The following PPL variants were observed in gnomAD, a reference collection of about 807,000 sequenced individuals.
PPL encodes 190 kDa paraneoplastic pemphigus antigen.
Under a neutral mutation model 194.4 loss-of-function variants are expected in PPL, and 198 were observed. That is an observed-to-expected ratio of 1.02 (90% CI 0.91 to 1.15). The LOEUF is 1.15. Among genes scored for constraint, PPL ranks in the 50% most tolerant of loss-of-function variants. The pLI is 0.00. For synonymous variants in PPL, 1,220 were observed against 972.4 expected, an observed-to-expected ratio of 1.25 and a Z score of -4.74; for missense variants, 2,885 against 2,294.8, an observed-to-expected ratio of 1.26 and a Z score of -5.25.
At position 4,888,167 on chromosome 16, in the gene PPL, C is replaced by A; in HGVS notation, c.2449G>T (p.Gly817Ter). The A allele has an allele frequency of 6.2e-7, 1 of 1,613,936 alleles. No individual in the cohort carries two copies. Among genetic ancestry groups the A allele is most frequent in the African/African-American group, 1.3e-5 (1 of 75,066 alleles). ...CTCTTGCTCACGTGGCTTCTCCTTCCATTCTCCAAGTCGAGAAGAGACCTT... is the reference window on the plus strand; with the variant it reads ...CTCTTGCTCACGTGGCTTCTCCTTCAATTCTCCAAGTCGAGAAGAGACCTT... ...KLRSLLDLEN[G>*]RRSHVSKRAR... The change falls in exon 20 of 22, where the codon GGA becomes TGA. Residue 817 changes from glycine (G) to a stop codon, truncating the protein, a stop_gained. Coordinates refer to ENST00000345988, the MANE Select transcript of PPL (RefSeq NM_002705.5). LOFTEE classifies it high-confidence loss of function.
At chr16:4,924,205 A>AT (rs1317072585) in intron 1 of PPL, among the ~76,000 whole-genome samples, 1 of 152,136 alleles carries the variant, frequency 6.6e-6, no homozygotes, top group Non-Finnish European at 1.5e-5. Context: ...AAATGAGCGA[A>AT]TTTTTTTCTA....
intron 2 of PPL, among the ~76,000 whole-genome samples, chr16:4,910,045 C>T (rs183533218): frequency 7.9e-5 from 12 of 152,144 alleles, no homozygotes; most frequent in African/African-American, 1.2e-4. Flanking sequence ...TCAACCCAAT[C>T]GCACCGGGCT....
chr16:4,883,596 T>G lies in PPL; in HGVS notation c.5059A>C (p.Lys1687Gln). 6.2e-7 allele frequency: 1 copy of G among 1,614,170 alleles called. No homozygotes were observed. The highest frequency in any genetic ancestry group is 8.5e-7 in the Non-Finnish European group (1 of 1,180,018). ...CAGTCGCACTCCTGGCTTCTGAGTT[T>G]CACGAACATGTTCCAGTCAATGAGC... ...AGLIDWNMFV[K>Q]LRSQECDWEE... is the part of the protein sequence containing the mutation. Residue 1687 changes from lysine to glutamine, a missense_variant, in exon 22 of 22, where the codon AAA becomes CAA. Transcript: ENST00000345988. This position sits in a 1 kb window ranked among gnomAD's most constrained non-coding sequence, Gnocchi z 4.8.
intron 1 of PPL, among the ~76,000 whole-genome samples, chr16:4,917,003 G>C (rs140266109): frequency 1.3e-5 from 2 of 152,092 alleles, no homozygotes; most frequent in Non-Finnish European, 2.9e-5. Context: ...GTGGTGGTAT[G>C]TGCCTGTAAT....
chr16:4,883,176 C>CA lies in PPL; in HGVS notation c.*207dup, dbSNP rs2088132444. On this transcript the variant is annotated 3_prime_UTR_variant, in exon 22 of 22. Coordinates refer to ENST00000345988, the MANE Select transcript of PPL (RefSeq NM_002705.5). The surrounding 1 kb of genome is among the most constrained non-coding windows in gnomAD (Gnocchi z 4.8). Reference sequence around the variant, plus strand: ...TCATTGGAGGATGAAGTACGTCACTCAGGGTGAATGATGGTTGGGACGAGA... The same window carrying CA: ...TCATTGGAGGATGAAGTACGTCACTCAAGGGTGAATGATGGTTGGGACGAGA... 1 of 618,856 alleles carries CA rather than the reference C, an allele frequency of 1.6e-6. No individual in the cohort carries two copies. Among genetic ancestry groups the CA allele is most frequent in the South Asian group, 2.1e-5 (1 of 48,218 alleles). The allele number at this position is 618,856 out of a possible 1,614,324, so 38.3% of individuals were successfully genotyped here. A position where few individuals can be genotyped will look rare whatever the true frequency, so the allele number is the denominator to read the frequency against.
intron 1 of PPL, among the ~76,000 whole-genome samples, chr16:4,929,525 G>A (rs1019900404): frequency 6.6e-6 from 1 of 152,112 alleles, no homozygotes; most frequent in East Asian, 1.9e-4. Flanking sequence ...AAAAGAATCA[G>A]CCACGCATGT....
rs368589484 is a variant in PPL, at chr16:4,900,885, C to T, written c.565-14G>A. ...GCTGTTCTGCTCCTGAGGACAGAGC[C>T]GAGGGCATGGGTCAGGGCCAGGAAG... is the stretch of plus-strand genomic sequence containing the variant. On this transcript the variant is annotated splice_polypyrimidine_tract_variant and intron_variant, in intron 5 of 21. Coordinates refer to ENST00000345988, the MANE Select transcript of PPL (RefSeq NM_002705.5). The T allele has an allele frequency of 5.3e-5, 85 of 1,613,996 alleles. No individual in the cohort carries two copies. The highest frequency in any genetic ancestry group is 1.7e-4 in the African/African-American group (13 of 74,920).
Position 4,917,986 on chromosome 16 carries a change from C to CAAA in PPL, c.63-7040_63-7038dup, listed in dbSNP as rs199659886. 7.5e-3 allele frequency among the ~76,000 whole-genome samples: 1,002 copies of CAAA among 133,980 alleles called. 6 individuals carry two copies. The highest frequency in any genetic ancestry group is 0.026 in the African/African-American group (948 of 36,600). 87.9% of individuals were successfully genotyped at this position (133,980 alleles called of 152,430 possible). ...GAATTACATCACAGTAAAGCTGCTA[C>CAAA]AAAAAAAAAAAACACAAAAAAGGCA... is the stretch of plus-strand genomic sequence containing the variant. On this transcript the variant is annotated intron_variant, in intron 1 of 21. Transcript: ENST00000345988.
intron 18 of PPL, among the ~76,000 whole-genome samples, chr16:4,889,485 C>G (rs1433588085): frequency 1.3e-5 from 2 of 151,672 alleles, no homozygotes; most frequent in Non-Finnish European, 2.9e-5. Context: ...TCTTGAACTC[C>G]TGAACTTGTG....
chr16:4,890,995 C>A, intron 16 of PPL, 74 bp from the exon 17 acceptor site: 1 of 1,312,070 alleles, frequency 7.6e-7, no homozygotes, highest in Non-Finnish European at 1.0e-6. Context: ...CCCACTGAAG[C>A]CCCTGGGCCA....
chr16:4,893,034 A>T (rs1828870598), intron 14 of PPL, 179 bp downstream of exon 14: 2 of 736,218 alleles, frequency 2.7e-6, no homozygotes, highest in South Asian at 2.6e-5. Context: ...CTGGGGAGGT[A>T]ATGACAGCAG....
At position 4,895,574 on chromosome 16, in the gene PPL, G is replaced by A; in HGVS notation, c.1095+20C>T. ...GTCCCCCGCCCCCCGGGCCAGCAGG[G>A]GTCCTGGGCCATCGCTCACATCCAG... is the stretch of plus-strand genomic sequence containing the variant. On this transcript the variant is annotated intron_variant, in intron 10 of 21. Coordinates refer to ENST00000345988, the MANE Select transcript of PPL (RefSeq NM_002705.5). 1.2e-6 allele frequency: 2 copies of A among 1,613,620 alleles called. No individual in the cohort carries two copies. Among genetic ancestry groups the A allele is most frequent in the Non-Finnish European group, 1.7e-6 (2 of 1,179,992 alleles).
chr16:4,936,982 A>C lies in PPL; in HGVS notation c.62+2T>G. The C allele has an allele frequency of 6.3e-7, 1 of 1,584,698 alleles. No homozygotes were observed. On this transcript the variant is annotated splice_donor_variant, in intron 1 of 21. Coordinates refer to ENST00000345988, the MANE Select transcript of PPL (RefSeq NM_002705.5). LOFTEE classifies it high-confidence loss of function. ...GGAGCGGAGCTGTGGGCGCCTCCTCACCTCCGGGTCTGCACAGTGGGGCTG... is the reference window on the plus strand; with the variant it reads ...GGAGCGGAGCTGTGGGCGCCTCCTCCCCTCCGGGTCTGCACAGTGGGGCTG...
rs536325970 is a variant in PPL at position 4,890,597 on chromosome 16, G to A, written c.2162+131C>T. ...GACTCAAAAGAGAGACCACAGGGCC[G>A]TCAGAGAATCTGACGAACTCACCAA... On this transcript the variant is annotated intron_variant, in intron 17 of 21. Coordinates refer to ENST00000345988, the MANE Select transcript of PPL (RefSeq NM_002705.5). The A allele has an allele frequency of 3.0e-4, 357 of 1,183,272 alleles. 1 individual carries two copies. The East Asian group carries it at 7.5e-3, about 25-fold the overall frequency. The allele number at this position is 1,183,272 out of a possible 1,614,324, so 73.3% of individuals were successfully genotyped here. A position where few individuals can be genotyped will look rare whatever the true frequency, so the allele number is the denominator to read the frequency against.
In PPL at chr16:4,894,512, A is replaced by C; in HGVS notation, c.1349T>G (p.Phe450Cys). The change falls in exon 12 of 22, where the codon TTT (phenylalanine) becomes TGT (cysteine). Residue 450 changes from phenylalanine to cysteine, a missense_variant. Phe to Cys is a radical substitution (Grantham distance 205). Coordinates refer to ENST00000345988, the MANE Select transcript of PPL (RefSeq NM_002705.5). ...GNKLIAPAVC[F>C]VIPPTDPEAL... ...CTCAGGGTCTGTGGGGGGGATCACA[A>C]AACACACGGCCGGAGCAATCAGCTT... is the stretch of plus-strand genomic sequence containing the variant. The C allele has an allele frequency of 6.2e-7, 1 of 1,613,892 alleles. No homozygotes were observed. The highest frequency in any genetic ancestry group is 8.5e-7 in the Non-Finnish European group (1 of 1,179,954).
chr16:4,914,031 A>G (rs1300341549), intron 1 of PPL, among the ~76,000 whole-genome samples: 1 of 152,220 alleles, frequency 6.6e-6, no homozygotes, highest in Non-Finnish European at 1.5e-5. Context: ...GGGTGGGGAC[A>G]GCGGTGGTCA....
chr16:4,900,083 T>A (rs2088528960), intron 6 of PPL, among the ~76,000 whole-genome samples: 1 of 152,140 alleles, frequency 6.6e-6, no homozygotes, highest in Admixed American at 6.6e-5. Flanking sequence ...CCACTAACAC[T>A]AAGGAGCAGA....
chr16:4,901,941 A>AAAT lies in PPL; in HGVS notation c.438+464_438+465insATT, dbSNP rs1568018034. 8.6e-5 allele frequency among the ~76,000 whole-genome samples: 7 copies of AAAT among 81,836 alleles called. No homozygotes were observed. The East Asian group carries it at 5.1e-3, about 59-fold the overall frequency. The allele number at this position is 81,836 out of a possible 152,430, so 53.7% of individuals were successfully genotyped here. A position where few individuals can be genotyped will look rare whatever the true frequency, so the allele number is the denominator to read the frequency against. ...CGCGACAGAGTGAGACCTTGTCTCA[A>AAAT]AAATAAATAAATAAATAAATAAATA... On this transcript the variant is annotated intron_variant, in intron 4 of 21. Coordinates refer to ENST00000345988, the MANE Select transcript of PPL (RefSeq NM_002705.5).
At position 4,890,784 on chromosome 16, in the gene PPL, G is replaced by A. The variant is rs1161278621; in HGVS notation, c.2106C>T (p.Ala702=). The A allele has an allele frequency of 1.4e-5, 23 of 1,607,886 alleles. No homozygotes were observed. Among genetic ancestry groups the A allele is most frequent in the Middle Eastern group, 1.7e-4 (1 of 6,058 alleles). Residue 702 remains alanine, a synonymous_variant, in exon 17 of 22, where the codon GCC becomes GCT. Coordinates refer to ENST00000345988, the MANE Select transcript of PPL (RefSeq NM_002705.5). ...EHCPDLERQE[A]EVHKLGQRFN... ...AACGCTGGCCCAGCTTGTGCACCTCGGCCTCCTGGCGCTCCAGGTCCGGAC... is the reference window on the plus strand; with the variant it reads ...AACGCTGGCCCAGCTTGTGCACCTCAGCCTCCTGGCGCTCCAGGTCCGGAC...
Sources: allele counts gnomAD v4.1 joint callset (sites outside exome capture counted in the v4.1 genomes callset), GRCh38; gene constraint gnomAD v4.1.1; non-coding constraint Gnocchi (gnomAD v3.1); transcripts MANE v1.5; gene names NCBI Gene and HGNC (gene_info 2026-07-23, HGNC 2026-07-21).